The following LRRTM4 variants were observed in gnomAD, a reference collection of about 807,000 sequenced individuals.
LRRTM4 encodes leucine-rich repeat transmembrane neuronal protein 4.
A neutral mutation model predicts 47.6 loss-of-function variants in LRRTM4; 25 were observed. The observed-to-expected ratio is 0.53, with a 90% confidence interval of 0.38 to 0.73. LRRTM4 has a LOEUF of 0.73. LRRTM4 is among the 30% of genes least tolerant of loss of function. LRRTM4 has a pLI of 0.00. For synonymous variants in LRRTM4, 311 were observed against 269.5 expected (o/e 1.15, Z -1.51); for missense variants, 638 against 713.4 (o/e 0.89, Z 1.20).
At chr2:77,477,116 G>T (rs1328139892) in intron 3 of LRRTM4, among the ~76,000 whole-genome samples, 1 of 152,034 alleles carries the variant, frequency 6.6e-6, no homozygotes, top group Non-Finnish European at 1.5e-5. Flanking sequence ...GGACAAGAGA[G>T]AGATAGGAAG....
chr2:77,217,264 G>A (rs968366202), intron 3 of LRRTM4, among the ~76,000 whole-genome samples: 1 of 150,244 alleles, frequency 6.7e-6, no homozygotes, highest in African/African-American at 2.4e-5. Flanking sequence ...TTTACTCTAG[G>A]CAGCAGAATT....
chr2:77,319,352 A>G (rs1000809729), intron 3 of LRRTM4, among the ~76,000 whole-genome samples: 5 of 152,028 alleles, frequency 3.3e-5, no homozygotes, highest in Admixed American at 6.6e-5. Flanking sequence ...GCGCCACTGC[A>G]TTCCAGCCTA....
chr2:77,466,794 G>A (rs891227820), intron 3 of LRRTM4, among the ~76,000 whole-genome samples: 1 of 149,110 alleles, frequency 6.7e-6, no homozygotes, highest in Non-Finnish European at 1.5e-5. Context: ...CACTTCCTGG[G>A]TTAAATTGAT....
chr2:76,975,425 T>A (rs1278229472), intron 3 of LRRTM4, among the ~76,000 whole-genome samples: 2 of 151,042 alleles, frequency 1.3e-5, no homozygotes, highest in East Asian at 1.9e-4. Flanking sequence ...TTTATTTATT[T>A]ATTATTTATT....
intron 3 of LRRTM4, among the ~76,000 whole-genome samples, chr2:77,041,904 C>T (rs1215797714): frequency 3.1e-5 from 4 of 128,440 alleles, no homozygotes; most frequent in Non-Finnish European, 4.8e-5. Flanking sequence ...TGTATGAAAA[C>T]ACAAAAGACC....
rs572260129 is a variant in LRRTM4, at chr2:76,942,598, C to T, written c.1552-193682G>A. ...AATGATCTGTCAAAAAGCTTCAACC[C>T]CAACATTTATGAATACTGGTTCTAT... On this transcript the variant is annotated intron_variant, in intron 3 of 3. Transcript: ENST00000409884. Among the ~76,000 whole-genome samples the T allele has an allele frequency of 9.3e-5, 14 of 151,014 alleles. No homozygotes were observed. In the South Asian group the frequency reaches 1.9e-3, roughly 20 times the overall value.
intron 3 of LRRTM4, among the ~76,000 whole-genome samples, chr2:76,811,894 T>A (rs568592971): frequency 1.3e-5 from 2 of 152,248 alleles, no homozygotes; most frequent in East Asian, 3.9e-4. Flanking sequence ...TAAAACTGAA[T>A]TTCTTTCCTA....
At chr2:77,398,840 C>A (rs1673817596) in intron 3 of LRRTM4, among the ~76,000 whole-genome samples, 1 of 151,862 alleles carries the variant, frequency 6.6e-6, no homozygotes, top group Middle Eastern at 3.4e-3. Flanking sequence ...AGTGGCCAAC[C>A]CAGAGATTCA....
At chr2:77,226,657 A>G (rs1298372106) in intron 3 of LRRTM4, among the ~76,000 whole-genome samples, 1 of 151,794 alleles carries the variant, frequency 6.6e-6, no homozygotes, top group Non-Finnish European at 1.5e-5. Context: ...AAATAAGTAA[A>G]ATGTATTTGT....
chr2:77,463,492 C>T (rs561705692), intron 3 of LRRTM4, among the ~76,000 whole-genome samples: 1 of 152,040 alleles, frequency 6.6e-6, no homozygotes, highest in South Asian at 2.1e-4. Context: ...CTTGCAGATA[C>T]TCACATTGCA....
intron 3 of LRRTM4, among the ~76,000 whole-genome samples, chr2:76,819,700 T>C (rs1253600926): frequency 6.6e-6 from 1 of 151,952 alleles, no homozygotes; most frequent in Non-Finnish European, 1.5e-5. Flanking sequence ...ATTGTTACTC[T>C]CAGCCTACCA....
intron 3 of LRRTM4, among the ~76,000 whole-genome samples, chr2:77,094,454 A>G (rs1240451261): frequency 6.6e-6 from 1 of 152,184 alleles, no homozygotes; most frequent in East Asian, 1.9e-4. Flanking sequence ...GAACCAGGAA[A>G]GACCCCACAT....
intron 3 of LRRTM4, among the ~76,000 whole-genome samples, chr2:76,804,445 C>G (rs1254017604): frequency 6.6e-6 from 1 of 151,908 alleles, no homozygotes; most frequent in East Asian, 1.9e-4. Context: ...AGATTATTCA[C>G]CATACAGGAC....
intron 3 of LRRTM4, among the ~76,000 whole-genome samples, chr2:77,085,719 G>T (rs1412739762): frequency 3.3e-5 from 5 of 152,124 alleles, no homozygotes. Context: ...TTCAAAAGTG[G>T]TGTCATATTC....
At chr2:77,090,864 G>A (rs535884098) in intron 3 of LRRTM4, among the ~76,000 whole-genome samples, 12 of 152,138 alleles carry the variant, frequency 7.9e-5, no homozygotes, top group Admixed American at 6.5e-4. Context: ...CGATTGCCTC[G>A]GCAGCCCCCT....
At chr2:76,843,904 T>C (rs1280335419) in intron 3 of LRRTM4, among the ~76,000 whole-genome samples, 3 of 147,502 alleles carry the variant, frequency 2.0e-5, no homozygotes, top group Admixed American at 7.0e-5. Context: ...TTTCTTTCTT[T>C]TTTCATTTTT....
At chr2:76,838,749 G>C (rs1288017066) in intron 3 of LRRTM4, among the ~76,000 whole-genome samples, 2 of 152,032 alleles carry the variant, frequency 1.3e-5, no homozygotes, top group African/African-American at 4.8e-5. Context: ...ATGAAATGAT[G>C]CTCTCTATTT....
chr2:76,869,323 T>C (rs888026693), intron 3 of LRRTM4, among the ~76,000 whole-genome samples: 2 of 149,514 alleles, frequency 1.3e-5, no homozygotes, highest in African/African-American at 5.0e-5. Flanking sequence ...AAAAAAAAAA[T>C]GTAAGGTAAG....
intron 3 of LRRTM4, among the ~76,000 whole-genome samples, chr2:77,396,472 G>T (rs1673708595): frequency 6.6e-6 from 1 of 151,868 alleles, no homozygotes; most frequent in Non-Finnish European, 1.5e-5. Context: ...CATACTGTGA[G>T]AACTTGTTAA....
Sources: gnomAD v4.1 joint callset for allele counts (sites outside exome capture counted in the v4.1 genomes callset) on GRCh38, gnomAD v4.1.1 for gene constraint, MANE v1.5 for transcripts, NCBI Gene and HGNC (gene_info 2026-07-23, HGNC 2026-07-21) for gene names.